The following TMA16 variants were observed in gnomAD, a reference collection of about 807,000 sequenced individuals.
TMA16 encodes the protein translation machinery-associated protein 16.
A neutral mutation model predicts 27.1 loss-of-function variants in TMA16; 26 were observed. The ratio of observed to expected loss-of-function variants is 0.96; its 90% CI spans 0.70 to 1.33. The LOEUF is 1.33. Among genes scored for constraint, TMA16 ranks in the 40% most tolerant of loss-of-function variants. The pLI is 0.00. For synonymous variants in TMA16, 71 were observed against 81.9 expected (o/e 0.87, Z 0.72); for missense variants, 233 against 241.4 (o/e 0.97, Z 0.23).
At chr4:163,516,502 A>T (rs1737879316) in intron 5 of TMA16, among the ~76,000 whole-genome samples, 2 of 152,252 alleles carry the variant, frequency 1.3e-5, no homozygotes, top group African/African-American at 4.8e-5. Context: ...CAGTTGTAGC[A>T]AACATGCTTA....
intron 6 of TMA16, among the ~76,000 whole-genome samples, chr4:163,518,210 A>G (rs978790642): frequency 2.0e-5 from 3 of 152,008 alleles, no homozygotes; most frequent in Non-Finnish European, 2.9e-5. Flanking sequence ...TTTAGCTCCT[A>G]CTTATAAGTG....
chr4:163,508,301 G>A (rs1031980107), intron 2 of TMA16, among the ~76,000 whole-genome samples: 1 of 152,156 alleles, frequency 6.6e-6, no homozygotes, highest in Non-Finnish European at 1.5e-5. Context: ...TTTCTATTCT[G>A]AAGGTTTGGG....
At chr4:163,511,824 CTAATGATAA>C (rs1032848411) in intron 2 of TMA16, among the ~76,000 whole-genome samples, 12 of 151,988 alleles carry the variant, frequency 7.9e-5, no homozygotes, top group African/African-American at 2.2e-4. Context: ...GGCCCTGTCT[CTAATGATAA>C]TAATGATAAT....
At chr4:163,501,606 A>C (rs569440604) in intron 1 of TMA16, among the ~76,000 whole-genome samples, 1 of 152,190 alleles carries the variant, frequency 6.6e-6, no homozygotes, top group South Asian at 2.1e-4. Flanking sequence ...GTTTCGTTGC[A>C]AAGAGTGTTT....
intron 3 of TMA16, 25 bp from the exon 4 acceptor site, chr4:163,514,049 C>A: frequency 6.5e-7 from 1 of 1,542,404 alleles, no homozygotes; most frequent in East Asian, 2.3e-5. Context: ...GTGGGGTAAA[C>A]TGTCTTGGTA....
At chr4:163,515,279 T>C in intron 4 of TMA16, 34 bp from the exon 5 acceptor site, 1 of 1,586,122 alleles carries the variant, frequency 6.3e-7, no homozygotes. Flanking sequence ...ACATATACTT[T>C]GTATGTAACA....
Position 163,519,943 on chromosome 4 carries a change from G to A in TMA16, c.*429G>A. 3.4e-6 allele frequency: 2 copies of A among 581,542 alleles called. No individual in the cohort carries two copies. Among genetic ancestry groups the A allele is most frequent in the South Asian group, 1.8e-5 (1 of 56,182 alleles). 36.0% of individuals were successfully genotyped at this position (581,542 alleles called of 1,614,324 possible). On this transcript the variant is annotated 3_prime_UTR_variant, in exon 7 of 7. Transcript: ENST00000358572. The stretch of plus-strand genomic sequence containing the variant: ...TTTTCGGTAATAATATCACACTAAT[G>A]CTTCTTTTAAACATTAAACCTATTT...
At position 163,507,135 on chromosome 4, in the gene TMA16, A is replaced by G; in HGVS notation, c.106A>G (p.Lys36Glu). ...QITREAHKQEKKEKLKNEKAL... is the reference protein window; with the variant it reads ...QITREAHKQEEKEKLKNEKAL... Reference sequence around the variant, plus strand: ...TACGAGAGAGGCCCACAAACAAGAAAAAAAGGAAAAGTAAGTATCTTTTCA... The same window carrying G: ...TACGAGAGAGGCCCACAAACAAGAAGAAAAGGAAAAGTAAGTATCTTTTCA... Residue 36 changes from lysine to glutamate, a missense_variant, in exon 2 of 7, where the codon AAA (lysine) becomes GAA (glutamate). Transcript: ENST00000358572. 6.4e-7 allele frequency: 1 copy of G among 1,573,800 alleles called. No individual in the cohort carries two copies. The highest frequency in any genetic ancestry group is 8.6e-7 in the Non-Finnish European group (1 of 1,158,034).
chr4:163,515,911 A>G (rs559243747), intron 5 of TMA16: 1 of 160,382 alleles, frequency 6.2e-6, no homozygotes, highest in African/African-American at 2.4e-5. Context: ...CCACCTGCCC[A>G]GTTGCTCAGA....
intron 2 of TMA16, chr4:163,512,602 G>C (rs1737814325): frequency 2.3e-6 from 1 of 441,382 alleles, no homozygotes; most frequent in Non-Finnish European, 4.1e-6. Context: ...GCTTCCTTTA[G>C]ACATTGAGGT....
chr4:163,504,366 TC>T (rs1184117652), intron 1 of TMA16, among the ~76,000 whole-genome samples: 1 of 152,210 alleles, frequency 6.6e-6, no homozygotes, highest in African/African-American at 2.4e-5. Flanking sequence ...TTATGATCTC[TC>T]CCTTTCTTTG....
At chr4:163,511,338 A>G (rs1447842970) in intron 2 of TMA16, among the ~76,000 whole-genome samples, 2 of 151,582 alleles carry the variant, frequency 1.3e-5, no homozygotes, top group African/African-American at 2.4e-5. Flanking sequence ...GCATCTTTTT[A>G]GGTTCTTTTT....
chr4:163,514,260 T>C (rs952562227), intron 4 of TMA16, 102 bp downstream of exon 4: 2 of 889,382 alleles, frequency 2.2e-6, no homozygotes, highest in African/African-American at 3.4e-5. Context: ...GAAGAGCAAA[T>C]GGGCTTTGTT....
At chr4:163,503,883 C>T (rs1737683153) in intron 1 of TMA16, among the ~76,000 whole-genome samples, 1 of 152,122 alleles carries the variant, frequency 6.6e-6, no homozygotes. Flanking sequence ...ACTGTATATT[C>T]ATATCCTGCC....
intron 5 of TMA16, chr4:163,517,148 T>G (rs933331219): frequency 6.0e-6 from 2 of 335,140 alleles, no homozygotes; most frequent in Non-Finnish European, 5.5e-6. Flanking sequence ...CTGATCCACC[T>G]GCCTCAGCCT....
chr4:163,498,547 A>G (rs1467219313), intron 1 of TMA16, among the ~76,000 whole-genome samples: 2 of 152,148 alleles, frequency 1.3e-5, no homozygotes, highest in African/African-American at 4.8e-5. Context: ...TCGGCCTCCC[A>G]AAGTGCTGGG....
intron 1 of TMA16, among the ~76,000 whole-genome samples, chr4:163,500,881 G>GT (rs1737641082): frequency 6.6e-6 from 1 of 152,200 alleles, no homozygotes; most frequent in African/African-American, 2.4e-5. Flanking sequence ...TCCAGTGGCT[G>GT]TATGCCTGTA....
chr4:163,508,207 CATAT>C (rs1737744123), intron 2 of TMA16, among the ~76,000 whole-genome samples: 1 of 152,066 alleles, frequency 6.6e-6, no homozygotes, highest in South Asian at 2.1e-4. Context: ...TTTCTGCTCT[CATAT>C]ATATCAGTAT....
At chr4:163,502,195 G>T (rs1454182144) in intron 1 of TMA16, among the ~76,000 whole-genome samples, 1 of 152,122 alleles carries the variant, frequency 6.6e-6, no homozygotes, top group African/African-American at 2.4e-5. Context: ...AATCTAAAAT[G>T]AAGATAAAAT....
Sources: allele counts gnomAD v4.1 joint callset (sites outside exome capture counted in the v4.1 genomes callset), GRCh38; gene constraint gnomAD v4.1.1; transcripts MANE v1.5; gene names NCBI Gene and HGNC (gene_info 2026-07-23, HGNC 2026-07-21).